Variants in NAALADL2 observed in about 807,000 individuals in gnomAD.
NAALADL2 encodes the protein inactive N-acetylated-alpha-linked acidic dipeptidase-like protein 2.
NAALADL2 carries 76 observed loss-of-function variants against 87.2 expected under a neutral mutation model. The observed-to-expected ratio is 0.87, with a 90% CI of 0.72 to 1.05. NAALADL2 has a LOEUF of 1.05. Among genes scored for constraint, NAALADL2 ranks in the 50% least tolerant of loss-of-function variants. NAALADL2 has a pLI of 0.00. For synonymous variants in NAALADL2, 354 were observed against 331.0 expected (o/e 1.07, Z -0.75); for missense variants, 1,089 against 945.8 (o/e 1.15, Z -1.99).
intron 2 of NAALADL2, among the ~76,000 whole-genome samples, chr3:174,580,712 A>C (rs1455751912): frequency 2.6e-5 from 4 of 152,094 alleles, no homozygotes; most frequent in Non-Finnish European, 4.4e-5. Flanking sequence ...AAGTAGTATT[A>C]AATTGTATGT....
intron 3 of NAALADL2, among the ~76,000 whole-genome samples, chr3:174,818,218 T>G (rs1721010116): frequency 6.6e-6 from 1 of 152,134 alleles, no homozygotes; most frequent in African/African-American, 2.4e-5. Flanking sequence ...TGCAGCCAAA[T>G]AGGGGGGACA....
intron 11 of NAALADL2, among the ~76,000 whole-genome samples, chr3:175,705,300 C>T (rs186270255): frequency 1.3e-5 from 2 of 152,214 alleles, no homozygotes; most frequent in East Asian, 3.9e-4. Context: ...ACCAGATCTT[C>T]TCCTAAAACC....
intron 10 of NAALADL2, among the ~76,000 whole-genome samples, chr3:175,586,175 G>A (rs1280496485): frequency 6.6e-6 from 1 of 152,058 alleles, no homozygotes; most frequent in Non-Finnish European, 1.5e-5. Flanking sequence ...CATCGGGAAT[G>A]GCAGGTTTCT....
At chr3:174,776,049 G>T (rs1381785893) in intron 3 of NAALADL2, among the ~76,000 whole-genome samples, 2 of 152,098 alleles carry the variant, frequency 1.3e-5, no homozygotes, top group African/African-American at 4.8e-5. Context: ...AGCAGAAGCT[G>T]TTACTGTTTT....
At chr3:175,165,146 T>C (rs913671784) in intron 2 of NAALADL2, among the ~76,000 whole-genome samples, 1 of 152,232 alleles carries the variant, frequency 6.6e-6, no homozygotes, top group Non-Finnish European at 1.5e-5. Flanking sequence ...TATGAGGCCT[T>C]TCTCAACACC....
chr3:174,774,861 C>T (rs1715016919), intron 3 of NAALADL2, among the ~76,000 whole-genome samples: 2 of 152,282 alleles, frequency 1.3e-5, no homozygotes, highest in South Asian at 2.1e-4. Context: ...TTTGCCCAAC[C>T]TCAGGTTAAA....
chr3:175,561,984 A>G (rs1440646205), intron 9 of NAALADL2, among the ~76,000 whole-genome samples: 4 of 152,206 alleles, frequency 2.6e-5, no homozygotes, highest in Non-Finnish European at 5.9e-5. Flanking sequence ...ATACTAAATA[A>G]TCATTTGTGT....
intron 5 of NAALADL2, among the ~76,000 whole-genome samples, chr3:175,368,145 C>T (rs1338493235): frequency 2.8e-4 from 42 of 152,056 alleles, no homozygotes; most frequent in Admixed American, 6.6e-4. Context: ...TCTGTTTATA[C>T]GCTGGATTAC....
intron 1 of NAALADL2, among the ~76,000 whole-genome samples, chr3:174,495,646 C>A (rs900608340): frequency 7.9e-5 from 12 of 152,100 alleles, no homozygotes; most frequent in African/African-American, 2.9e-4. Context: ...TAAATGGACT[C>A]GTGGAGAGAG....
At chr3:175,654,122 T>C (rs1043521886) in intron 11 of NAALADL2, among the ~76,000 whole-genome samples, 3 of 152,208 alleles carry the variant, frequency 2.0e-5, no homozygotes, top group African/African-American at 7.2e-5. Flanking sequence ...TATTGATAAG[T>C]GTAGTTCTGA....
intron 1 of NAALADL2, among the ~76,000 whole-genome samples, chr3:174,505,207 A>T (rs907916314): frequency 1.3e-5 from 2 of 152,142 alleles, no homozygotes; most frequent in Non-Finnish European, 2.9e-5. Flanking sequence ...TATCTCCATA[A>T]TCTCTACTTC....
At chr3:175,791,182 G>A (rs1752736428) in intron 13 of NAALADL2, among the ~76,000 whole-genome samples, 1 of 152,220 alleles carries the variant, frequency 6.6e-6, no homozygotes, top group Admixed American at 6.5e-5. Flanking sequence ...ATATAGCGGG[G>A]CAGCAAACTA....
At chr3:174,910,022 G>A (rs1173697289) in intron 1 of NAALADL2, among the ~76,000 whole-genome samples, 1 of 152,048 alleles carries the variant, frequency 6.6e-6, no homozygotes, top group African/African-American at 2.4e-5. Flanking sequence ...GCAATGTATT[G>A]TATTTGCAAT....
intron 2 of NAALADL2, among the ~76,000 whole-genome samples, chr3:174,599,353 C>T (rs537979722): frequency 6.6e-6 from 1 of 152,196 alleles, no homozygotes; most frequent in Non-Finnish European, 1.5e-5. Context: ...GCAAATCTGT[C>T]CCTAACTAGG....
At chr3:174,882,641 A>G (rs1402085723) in intron 1 of NAALADL2, among the ~76,000 whole-genome samples, 2 of 147,560 alleles carry the variant, frequency 1.4e-5, no homozygotes, top group East Asian at 2.0e-4. Flanking sequence ...ATATACACAT[A>G]TGTGCATATA....
intron 4 of NAALADL2, among the ~76,000 whole-genome samples, chr3:175,269,671 T>A (rs535298095): frequency 1.8e-4 from 28 of 152,232 alleles, no homozygotes; most frequent in Non-Finnish European, 2.5e-4. Context: ...TGCTGTATGG[T>A]AAGTAACTGC....
intron 4 of NAALADL2, among the ~76,000 whole-genome samples, chr3:175,286,163 G>T (rs911790892): frequency 3.9e-5 from 6 of 152,136 alleles, no homozygotes; most frequent in African/African-American, 1.4e-4. Flanking sequence ...AGTTATACAG[G>T]TTGCCATATT....
chr3:175,261,334 C>T (rs1367774698), intron 4 of NAALADL2, among the ~76,000 whole-genome samples: 2 of 151,974 alleles, frequency 1.3e-5, no homozygotes, highest in African/African-American at 4.8e-5. Flanking sequence ...TACTTAGGGT[C>T]ATTTCTACCA....
At chr3:174,856,861 G>A (rs1190563096), upstream of NAALADL2, among the ~76,000 whole-genome samples, 2 of 152,102 alleles carry the variant, frequency 1.3e-5, no homozygotes, top group Non-Finnish European at 1.5e-5. Flanking sequence ...GCCACGGTGT[G>A]TGATAATTGC....
Sources: allele counts gnomAD v4.1 joint callset (sites outside exome capture counted in the v4.1 genomes callset), GRCh38; gene constraint gnomAD v4.1.1; transcripts MANE v1.5; gene names NCBI Gene and HGNC (gene_info 2026-07-23, HGNC 2026-07-21).